Variants in ARID1B observed in about 807,000 individuals in gnomAD.
The protein encoded by ARID1B is AT-rich interaction domain 1B.
In ARID1B, 30 loss-of-function variants were observed where a neutral mutation model predicts 212.3. The ratio of observed to expected loss-of-function variants is 0.14; its 90% CI spans 0.11 to 0.19. ARID1B has a LOEUF of 0.19. Among genes scored for constraint, ARID1B ranks in the 10% least tolerant of loss-of-function variants. ARID1B has a pLI of 1.00. For synonymous variants in ARID1B, 1,402 were observed against 1,301.7 expected (o/e 1.08, Z -1.66); for missense variants, 2,891 against 3,204.0 (o/e 0.90, Z 2.36).
At chr6:157,034,693 G>C (rs1396006170) in intron 4 of ARID1B, among the ~76,000 whole-genome samples, 1 of 152,164 alleles carries the variant, frequency 6.6e-6, no homozygotes, top group East Asian at 1.9e-4. Flanking sequence ...AATGCTCTTA[G>C]ACTCAGCGTG....
intron 2 of ARID1B, among the ~76,000 whole-genome samples, chr6:156,847,575 A>T (rs974678101): frequency 4.6e-5 from 7 of 152,178 alleles, no homozygotes; most frequent in African/African-American, 1.7e-4. Context: ...GATGGGAAGG[A>T]AAGAGAGTTT....
Position 157,015,058 on chromosome 6 carries a change from G to C in ARID1B, c.2248-69604G>C, listed in dbSNP as rs73793021. On this transcript the variant is annotated intron_variant, in intron 4 of 19. Transcript: ENST00000636930. ...AAGACGAGATGACATTTGATGCCAC[G>C]TGTCTTTTAATCCAGCATTTTTCAC... 2.6e-5 allele frequency among the ~76,000 whole-genome samples: 4 copies of C among 152,248 alleles called. No individual in the cohort carries two copies. In the South Asian group the frequency reaches 8.3e-4, roughly 32 times the overall value.
At chr6:157,043,568 T>C (rs1202715531) in intron 4 of ARID1B, among the ~76,000 whole-genome samples, 1 of 152,232 alleles carries the variant, frequency 6.6e-6, no homozygotes, top group African/African-American at 2.4e-5. Flanking sequence ...ATATTGACTT[T>C]CACATGGTAA....
intron 4 of ARID1B, among the ~76,000 whole-genome samples, chr6:157,054,997 A>G (rs937792737): frequency 9.2e-5 from 14 of 152,196 alleles, no homozygotes; most frequent in African/African-American, 3.1e-4. Flanking sequence ...CTTGTAGCAT[A>G]AACCTGCAGA....
intron 1 of ARID1B, among the ~76,000 whole-genome samples, chr6:156,801,076 G>C (rs947383963): frequency 6.6e-6 from 1 of 152,036 alleles, no homozygotes; most frequent in African/African-American, 2.4e-5. Flanking sequence ...CTCTTGAGTT[G>C]CATCTTGTAG....
intron 5 of ARID1B, among the ~76,000 whole-genome samples, chr6:157,097,392 G>A (rs1300729429): frequency 6.6e-6 from 1 of 152,060 alleles, no homozygotes; most frequent in African/African-American, 2.4e-5. Context: ...CTGACATCCA[G>A]ACGCAGCATA....
At chr6:156,872,578 C>G (rs1013760201) in intron 2 of ARID1B, among the ~76,000 whole-genome samples, 1 of 152,190 alleles carries the variant, frequency 6.6e-6, no homozygotes, top group Non-Finnish European at 1.5e-5. Flanking sequence ...GCCTCAGCCT[C>G]CCAAAGTGCT....
intron 3 of ARID1B, among the ~76,000 whole-genome samples, chr6:156,927,736 T>C (rs900333510): frequency 2.0e-5 from 3 of 152,232 alleles, no homozygotes; most frequent in African/African-American, 7.2e-5. Flanking sequence ...TTTGTCCTTA[T>C]ACATTTGTTT....
chr6:156,936,373 G>C (rs1478360673), intron 4 of ARID1B: 1 of 147,432 alleles, frequency 6.8e-6, no homozygotes, highest in Non-Finnish European at 1.5e-5. Flanking sequence ...TGACAAAGCT[G>C]TTTATTTCCA....
intron 5 of ARID1B, among the ~76,000 whole-genome samples, chr6:157,093,897 A>G (rs1221599053): frequency 3.9e-5 from 6 of 152,210 alleles, no homozygotes; most frequent in African/African-American, 1.2e-4. Context: ...CTGAGTGTGT[A>G]TTATGCTGCA....
intron 2 of ARID1B, among the ~76,000 whole-genome samples, chr6:156,874,157 A>G (rs74542370): frequency 0.022 from 3,409 of 152,178 alleles, 111 homozygotes; most frequent in African/African-American, 0.078. Flanking sequence ...CTGCAGCCTC[A>G]ACCTCCTGGG....
intron 12 of ARID1B, among the ~76,000 whole-genome samples, chr6:157,182,836 G>C (rs1394305634): frequency 6.6e-6 from 1 of 151,988 alleles, no homozygotes; most frequent in Admixed American, 6.6e-5. Context: ...CTCTGCACCT[G>C]GGCTCCTTTG....
At chr6:156,836,533 T>C (rs1264832973) in intron 2 of ARID1B, among the ~76,000 whole-genome samples, 1 of 152,140 alleles carries the variant, frequency 6.6e-6, no homozygotes, top group African/African-American at 2.4e-5. Context: ...GTCTAATCTG[T>C]GTGTGATACT....
chr6:156,837,761 G>A, intron 2 of ARID1B, among the ~76,000 whole-genome samples: 1 of 152,216 alleles, frequency 6.6e-6, no homozygotes, highest in Non-Finnish European at 1.5e-5. Flanking sequence ...GAGGCAAGTA[G>A]GGGATTATAA....
intron 2 of ARID1B, among the ~76,000 whole-genome samples, chr6:156,872,200 G>A (rs1786187784): frequency 6.6e-6 from 1 of 152,218 alleles, no homozygotes; most frequent in African/African-American, 2.4e-5. Flanking sequence ...ATTGGGATTA[G>A]TCGATGAGAT....
At chr6:156,900,972 G>A (rs925531077) in intron 2 of ARID1B, among the ~76,000 whole-genome samples, 1 of 152,132 alleles carries the variant, frequency 6.6e-6, no homozygotes, top group Non-Finnish European at 1.5e-5. Flanking sequence ...CAAACCACAG[G>A]CCTTCTGTAA....
intron 4 of ARID1B, among the ~76,000 whole-genome samples, chr6:157,027,636 T>C (rs1780743679): frequency 6.6e-6 from 1 of 152,250 alleles, no homozygotes; most frequent in Admixed American, 6.5e-5. Context: ...CATTTGCTGA[T>C]CTAAAAATGT....
chr6:156,998,383 G>A (rs1016127277), intron 4 of ARID1B, among the ~76,000 whole-genome samples: 1 of 152,024 alleles, frequency 6.6e-6, no homozygotes, highest in Non-Finnish European at 1.5e-5. Flanking sequence ...ACCATGCCCG[G>A]CTAATTTTTT....
chr6:157,149,021 A>C, intron 8 of ARID1B, 70 bp downstream of exon 8: 1 of 1,462,188 alleles, frequency 6.8e-7, no homozygotes, highest in Non-Finnish European at 9.3e-7. Context: ...GACTGCGCAC[A>C]TAGCTGCATT....
Sources: allele counts gnomAD v4.1 joint callset (sites outside exome capture counted in the v4.1 genomes callset), GRCh38; gene constraint gnomAD v4.1.1; transcripts MANE v1.5; gene names NCBI Gene and HGNC (gene_info 2026-07-23, HGNC 2026-07-21).